Variants in NR6A1 observed in about 807,000 individuals in gnomAD.
NR6A1 encodes retinoic acid receptor-related testis-associated receptor.
NR6A1 carries 7 observed loss-of-function variants against 59.1 expected under a neutral mutation model. That is an observed-to-expected ratio of 0.12 (90% CI 0.07 to 0.22). The LOEUF is 0.22. NR6A1 is among the 10% of genes least tolerant of loss of function. NR6A1 has a pLI of 1.00. For missense variants in NR6A1, 468 were observed against 611.6 expected (o/e 0.77, Z 2.48); for synonymous variants, 243 against 236.1 (o/e 1.03, Z -0.27).
chr9:124,738,436 A>G (rs984963101), intron 1 of NR6A1, among the ~76,000 whole-genome samples: 3 of 152,232 alleles, frequency 2.0e-5, no homozygotes, highest in African/African-American at 7.2e-5. Context: ...TGCTTTCAAA[A>G]GGAAAAGAGA....
Position 124,736,799 on chromosome 9 carries a change from G to A in NR6A1, c.101-3450C>T, listed in dbSNP as rs546043582. 4.6e-5 allele frequency among the ~76,000 whole-genome samples: 7 copies of A among 152,144 alleles called. No homozygotes were observed. In the East Asian group the frequency reaches 9.7e-4, roughly 21 times the overall value. On this transcript the variant is annotated intron_variant, in intron 1 of 9. Coordinates refer to ENST00000487099, the MANE Select transcript of NR6A1 (RefSeq NM_033334.4). ...GTCGAGGATGCAGTGAGCCATGATC[G>A]TGCCACTACACTCCAGCCTGGGCAA... is the stretch of plus-strand genomic sequence containing the variant.
chr9:124,540,792 C>A (rs894530378), intron 4 of NR6A1, among the ~76,000 whole-genome samples: 3 of 152,072 alleles, frequency 2.0e-5, no homozygotes, highest in Admixed American at 6.6e-5. Context: ...CAGAGCAAGA[C>A]CCTGTCTTAA....
chr9:124,556,210 G>A (rs1833919879), intron 2 of NR6A1, among the ~76,000 whole-genome samples: 1 of 152,116 alleles, frequency 6.6e-6, no homozygotes, highest in South Asian at 2.1e-4. Flanking sequence ...TATATGGGTG[G>A]GCCCGAAATA....
At chr9:124,535,276 A>G (rs568071238) in intron 7 of NR6A1, among the ~76,000 whole-genome samples, 30 of 152,114 alleles carry the variant, frequency 2.0e-4, no homozygotes, top group African/African-American at 6.5e-4. Flanking sequence ...TATCTCAGTA[A>G]TCCAAGTATA....
intron 2 of NR6A1, chr9:124,595,681 G>A (rs1835252085): frequency 2.7e-6 from 2 of 742,114 alleles, no homozygotes; most frequent in African/African-American, 1.8e-5. Context: ...TCTCCCTCAA[G>A]GCTATTTGCT....
intron 2 of NR6A1, among the ~76,000 whole-genome samples, chr9:124,612,294 CA>C (rs765042660): frequency 4.1e-4 from 63 of 152,228 alleles, no homozygotes; most frequent in Non-Finnish European, 8.5e-4. Context: ...TCATTTGGAA[CA>C]AAAGACAAGA....
intron 2 of NR6A1, among the ~76,000 whole-genome samples, chr9:124,566,315 C>A (rs913864327): frequency 1.3e-5 from 2 of 152,124 alleles, no homozygotes; most frequent in African/African-American, 4.8e-5. Flanking sequence ...TGTATCTTGA[C>A]GTGGGCGGTT....
intron 2 of NR6A1, among the ~76,000 whole-genome samples, chr9:124,583,847 C>T (rs1001956042): frequency 1.3e-5 from 2 of 152,194 alleles, no homozygotes; most frequent in African/African-American, 4.8e-5. Context: ...CAAATGAGCA[C>T]TCTGCCCTCT....
chr9:124,719,340 G>A (rs1038656983), intron 2 of NR6A1, among the ~76,000 whole-genome samples: 23 of 152,152 alleles, frequency 1.5e-4, no homozygotes, highest in African/African-American at 4.6e-4. Context: ...ACAAAGTGCT[G>A]GGATGACAGG....
chr9:124,716,271 TA>T (rs1357089824), intron 2 of NR6A1, among the ~76,000 whole-genome samples: 2 of 152,162 alleles, frequency 1.3e-5, no homozygotes, highest in African/African-American at 4.8e-5. Context: ...ATATTCATAT[TA>T]AAAAGACTTT....
intron 2 of NR6A1, among the ~76,000 whole-genome samples, chr9:124,682,859 A>G (rs573287422): frequency 1.3e-5 from 2 of 152,304 alleles, no homozygotes; most frequent in South Asian, 4.2e-4. Context: ...TTGGGCTGGT[A>G]TAATTTTTTA....
At chr9:124,760,614 G>A (rs1020910276) in intron 1 of NR6A1, among the ~76,000 whole-genome samples, 2 of 152,322 alleles carry the variant, frequency 1.3e-5, no homozygotes, top group Admixed American at 1.3e-4. Flanking sequence ...TATTAATGCT[G>A]TTACTAGCTG....
intron 1 of NR6A1, among the ~76,000 whole-genome samples, chr9:124,743,654 C>G (rs1222539323): frequency 1.3e-5 from 2 of 152,118 alleles, no homozygotes; most frequent in Non-Finnish European, 2.9e-5. Flanking sequence ...GAAAAGCCAG[C>G]CCAAGATTAT....
chr9:124,618,368 A>T (rs918612567), intron 2 of NR6A1, among the ~76,000 whole-genome samples: 7 of 152,162 alleles, frequency 4.6e-5, no homozygotes, highest in Non-Finnish European at 1.0e-4. Flanking sequence ...CTGTAATCCC[A>T]GCTACTCAGG....
intron 2 of NR6A1, among the ~76,000 whole-genome samples, chr9:124,667,322 C>A (rs192689240): frequency 1.4e-3 from 214 of 152,124 alleles, no homozygotes; most frequent in African/African-American, 4.9e-3. Context: ...TGAGCCACTG[C>A]GTCCGCCTGG....
intron 2 of NR6A1, among the ~76,000 whole-genome samples, chr9:124,574,947 CCT>C (rs1834547291): frequency 6.6e-6 from 1 of 152,120 alleles, no homozygotes; most frequent in Non-Finnish European, 1.5e-5. Context: ...GTAACTCAAA[CCT>C]CTCAGTCCTT....
At chr9:124,645,228 G>GT (rs1284149552) in intron 2 of NR6A1, among the ~76,000 whole-genome samples, 7 of 152,288 alleles carry the variant, frequency 4.6e-5, no homozygotes, top group Admixed American at 3.3e-4. Context: ...CAGGAAATGT[G>GT]TAGAAGAGAA....
chr9:124,719,417 C>A (rs189715479), intron 2 of NR6A1, among the ~76,000 whole-genome samples: 1 of 152,132 alleles, frequency 6.6e-6, no homozygotes, highest in Admixed American at 6.5e-5. Flanking sequence ...ACTGCCAAGT[C>A]TGAAAAATTA....
intron 2 of NR6A1, among the ~76,000 whole-genome samples, chr9:124,590,193 A>C (rs1436614806): frequency 1.3e-5 from 2 of 152,050 alleles, no homozygotes; most frequent in South Asian, 4.1e-4. Context: ...ACAGAGAAAC[A>C]GAAAAATGAG....
Sources: gnomAD v4.1 joint callset for allele counts (sites outside exome capture counted in the v4.1 genomes callset) on GRCh38, gnomAD v4.1.1 for gene constraint, MANE v1.5 for transcripts, NCBI Gene and HGNC (gene_info 2026-07-23, HGNC 2026-07-21) for gene names.